CCDC141: variants seen among roughly 807,000 people sequenced by gnomAD.
CCDC141 encodes the protein coiled-coil domain containing 141.
A neutral mutation model predicts 181.0 loss-of-function variants in CCDC141; 168 were observed. The ratio of observed to expected loss-of-function variants is 0.93; its 90% CI spans 0.82 to 1.05. The LOEUF (loss-of-function observed/expected upper bound fraction) is 1.05. CCDC141 is among the 50% of genes least tolerant of loss of function. CCDC141 has a pLI of 0.00. For synonymous variants in CCDC141, 666 were observed against 642.3 expected (o/e 1.04, Z -0.56); for missense variants, 1,902 against 1,788.5 (o/e 1.06, Z -1.14).
intron 6 of CCDC141, among the ~76,000 whole-genome samples, chr2:178,938,708 C>T (rs1008054337): frequency 2.0e-5 from 3 of 152,072 alleles, no homozygotes; most frequent in Admixed American, 2.0e-4. Flanking sequence ...AAGTCTCCCA[C>T]TATTATTGTC....
At chr2:178,932,437 A>C (rs1360097763) in intron 6 of CCDC141, among the ~76,000 whole-genome samples, 2 of 152,212 alleles carry the variant, frequency 1.3e-5, no homozygotes, top group Non-Finnish European at 2.9e-5. Flanking sequence ...TAAGTAGTCT[A>C]AGATGCTATA....
intron 8 of CCDC141, among the ~76,000 whole-genome samples, chr2:178,893,823 GCA>G (rs34654821): frequency 0.18 from 26,141 of 141,466 alleles, 2,480 homozygotes; most frequent in South Asian, 0.3. Flanking sequence ...ACACACACAC[GCA>G]CACACACACA....
chr2:178,886,617 T>A, intron 10 of CCDC141, 135 bp downstream of exon 10: 1 of 563,642 alleles, frequency 1.8e-6, no homozygotes, highest in Non-Finnish European at 3.0e-6. Context: ...TATGAGTTTT[T>A]AAGTCATTAT....
intron 2 of CCDC141, among the ~76,000 whole-genome samples, chr2:179,021,255 C>T (rs866284359): frequency 6.6e-6 from 1 of 152,250 alleles, no homozygotes; most frequent in Middle Eastern, 3.4e-3. Context: ...TTTCTGGCTT[C>T]AACTATTTTT....
chr2:179,046,447 C>T (rs1488797388), intron 2 of CCDC141, among the ~76,000 whole-genome samples: 1 of 152,202 alleles, frequency 6.6e-6, no homozygotes, highest in Admixed American at 6.5e-5. Context: ...GCTCCGCAGC[C>T]CCACTCAGTG....
At position 178,981,636 on chromosome 2, in the gene CCDC141, GTATATATATATATA is replaced by G; in HGVS notation, c.226-2975_226-2962del. Among the ~76,000 whole-genome samples, 3 of 62,396 alleles carry G rather than the reference GTATATATATATATA, an allele frequency of 4.8e-5. 1 individual carries two copies. The East Asian group carries it at 2.0e-3, about 42-fold the overall frequency. The allele number at this position is 62,396 out of a possible 152,430, so 40.9% of individuals were successfully genotyped here. A position where few individuals can be genotyped will look rare whatever the true frequency, so the allele number is the denominator to read the frequency against. On this transcript the variant is annotated intron_variant, in intron 2 of 23. Transcript: ENST00000443758. ...TTTGTAGCATTGAATGTGTGTGTGT[GTATATATATATATA>G]TATATATACATACATATATACATAT... is the stretch of plus-strand genomic sequence containing the variant.
chr2:178,853,606 C>T lies in CCDC141; in HGVS notation c.3079G>A (p.Asp1027Asn). Residue 1027 changes from aspartate (D) to asparagine (N), a missense_variant, in exon 20 of 24, where the codon GAT becomes AAT. Asp to Asn is a conservative substitution (Grantham distance 23). Transcript: ENST00000443758. ...VIEECHFWYE[D>N]ASATVVRVGK... ...ACTCTTACAACTGTGGCACTTGCAT[C>T]TTCGTACCAAAAATGACACTAAATT... is the stretch of plus-strand genomic sequence containing the variant. 2 of 1,611,944 alleles carry T rather than the reference C, an allele frequency of 1.2e-6. No homozygotes were observed. The highest frequency in any genetic ancestry group is 2.2e-5 in the East Asian group (1 of 44,822).
intron 4 of CCDC141, among the ~76,000 whole-genome samples, chr2:178,965,705 G>A (rs924903523): frequency 3.3e-5 from 5 of 152,140 alleles, no homozygotes; most frequent in East Asian, 1.9e-4. Flanking sequence ...GGCAGACACC[G>A]AACTAGCTGC....
chr2:178,971,483 C>G (rs1690886136), intron 4 of CCDC141, among the ~76,000 whole-genome samples: 1 of 152,112 alleles, frequency 6.6e-6, no homozygotes, highest in African/African-American at 2.4e-5. Flanking sequence ...GGAGTGTAAA[C>G]TAGTTCAACC....
chr2:178,896,390 G>C (rs577574870), intron 8 of CCDC141, among the ~76,000 whole-genome samples: 1 of 152,242 alleles, frequency 6.6e-6, no homozygotes, highest in South Asian at 2.1e-4. Flanking sequence ...GACTGGACGC[G>C]GGACAGGTTC....
chr2:179,014,249 T>C (rs543440313), intron 2 of CCDC141, among the ~76,000 whole-genome samples: 1 of 152,182 alleles, frequency 6.6e-6, no homozygotes, highest in East Asian at 1.9e-4. Flanking sequence ...TCCTCATCTC[T>C]CACCTTATAC....
chr2:178,882,733 C>T (rs755404500), intron 11 of CCDC141, among the ~76,000 whole-genome samples: 6 of 151,956 alleles, frequency 3.9e-5, no homozygotes, highest in Non-Finnish European at 7.4e-5. Flanking sequence ...GCATTTGTAA[C>T]GGGGCCAATC....
At chr2:178,969,451 G>A (rs1322313292) in intron 4 of CCDC141, among the ~76,000 whole-genome samples, 2 of 152,126 alleles carry the variant, frequency 1.3e-5, no homozygotes, top group Non-Finnish European at 2.9e-5. Context: ...TCATCCCTGG[G>A]ATGCAAGGCT....
At chr2:178,865,540 C>T (rs1230834990) in intron 17 of CCDC141, among the ~76,000 whole-genome samples, 1 of 152,198 alleles carries the variant, frequency 6.6e-6, no homozygotes, top group Non-Finnish European at 1.5e-5. Context: ...TATGCATTGA[C>T]ATCATACTGA....
chr2:179,034,279 T>C (rs907674415), intron 2 of CCDC141, among the ~76,000 whole-genome samples: 1 of 152,074 alleles, frequency 6.6e-6, no homozygotes, highest in African/African-American at 2.4e-5. Context: ...CACTTGTAAG[T>C]GGGAGCTACA....
chr2:178,871,639 T>A (rs1196834008), intron 13 of CCDC141, 87 bp from the exon 14 acceptor site: 4 of 1,432,412 alleles, frequency 2.8e-6, no homozygotes, highest in Non-Finnish European at 3.8e-6. Flanking sequence ...CAGAGTGTGA[T>A]CAAATTTTTC....
At chr2:178,945,000 A>G (rs1192522705) in intron 5 of CCDC141, among the ~76,000 whole-genome samples, 1 of 152,204 alleles carries the variant, frequency 6.6e-6, no homozygotes, top group Non-Finnish European at 1.5e-5. Flanking sequence ...CTGGAAATGA[A>G]TATGAATCTA....
chr2:178,941,079 T>C (rs932924691), intron 6 of CCDC141, among the ~76,000 whole-genome samples: 3 of 152,176 alleles, frequency 2.0e-5, no homozygotes, highest in Admixed American at 2.0e-4. Context: ...TGTGGATAAG[T>C]CTATTGCCTC....
At chr2:178,977,622 C>T (rs1691179583) in intron 3 of CCDC141, among the ~76,000 whole-genome samples, 1 of 152,096 alleles carries the variant, frequency 6.6e-6, no homozygotes, top group Non-Finnish European at 1.5e-5. Context: ...TTGCCTACTC[C>T]AATTTTTAGT....
Sources: allele counts gnomAD v4.1 joint callset (sites outside exome capture counted in the v4.1 genomes callset), GRCh38; gene constraint gnomAD v4.1.1; transcripts MANE v1.5; gene names NCBI Gene and HGNC (gene_info 2026-07-23, HGNC 2026-07-21).